The following PCDHA7 variants were observed in gnomAD, a reference collection of about 807,000 sequenced individuals.
The protein encoded by PCDHA7 is protocadherin alpha-7.
In PCDHA7, 37 loss-of-function variants were observed where a neutral mutation model predicts 57.2. The ratio of observed to expected loss-of-function variants is 0.65; its 90% CI spans 0.50 to 0.85. PCDHA7 has a LOEUF of 0.85. PCDHA7 is among the 40% of genes least tolerant of loss of function. The pLI is 0.00. For synonymous variants in PCDHA7, 553 were observed against 558.8 expected (o/e 0.99, Z 0.15); for missense variants, 1,188 against 1,241.8 (o/e 0.96, Z 0.65).
chr5:140,913,082 CA>C (rs1341633290), intron 1 of PCDHA7, among the ~76,000 whole-genome samples: 2 of 152,108 alleles, frequency 1.3e-5, no homozygotes, highest in Non-Finnish European at 2.9e-5. Flanking sequence ...TGTTTGGTAT[CA>C]GGATAATACT....
rs2150233585 is a variant in PCDHA7, at chr5:140,835,304, T to C, written c.921T>C (p.His307=). 4 of 1,612,734 alleles carry C rather than the reference T, an allele frequency of 2.5e-6. No homozygotes were observed. Among genetic ancestry groups the C allele is most frequent in the Admixed American group, 3.3e-5 (2 of 59,902 alleles). Residue 307 remains histidine (H), a synonymous_variant, in exon 1 of 4, where the codon CAT becomes CAC. Coordinates refer to ENST00000525929, the MANE Select transcript of PCDHA7 (RefSeq NM_018910.3). ...PLSGAITVIG[H]MDFEESRAHK... is the part of the protein sequence containing the mutation. Reference sequence around the variant, plus strand: ...GTGGGGCAATCACAGTGATAGGACATATGGATTTTGAAGAAAGTAGAGCAC... The same window carrying C: ...GTGGGGCAATCACAGTGATAGGACACATGGATTTTGAAGAAAGTAGAGCAC...
rs576672267 is a variant in PCDHA7 at position 140,878,151 on chromosome 5, T to G, written c.2355+41413T>G. 31 of 178,298 alleles carry G rather than the reference T, an allele frequency of 1.7e-4. No individual in the cohort carries two copies. The Middle Eastern group carries it at 7.4e-3, about 42-fold the overall frequency. The allele number at this position is 178,298 out of a possible 1,614,324, so 11.0% of individuals were successfully genotyped here. On this transcript the variant is annotated intron_variant, in intron 1 of 3. Coordinates refer to ENST00000525929, the MANE Select transcript of PCDHA7 (RefSeq NM_018910.3). Reference sequence around the variant, plus strand: ...AAAAGTGGCCAGATGTTTGATAACTTAAAAATTTAATTTGTTCATAATTTC... The same window carrying G: ...AAAAGTGGCCAGATGTTTGATAACTGAAAAATTTAATTTGTTCATAATTTC...
At chr5:140,958,744 A>G (rs1421311606) in intron 1 of PCDHA7, among the ~76,000 whole-genome samples, 1 of 152,156 alleles carries the variant, frequency 6.6e-6, no homozygotes, top group Non-Finnish European at 1.5e-5. Context: ...AAAGAGAGAA[A>G]GGAGATTTTT....
chr5:140,836,535 T>C lies in PCDHA7; in HGVS notation c.2152T>C (p.Tyr718His), dbSNP rs2150263194. The part of the protein sequence containing the change: ...SSLLVLTLLL[Y>H]TALRCSAPSS... ...TCTGTTGGTGCTTACCCTGCTGCTG[T>C]ACACGGCGTTGCGGTGCTCAGCGCC... The change falls in exon 1 of 4, where the codon TAC (tyrosine) becomes CAC (histidine). Residue 718 changes from tyrosine (Y) to histidine (H), a missense_variant. Physicochemically the swap from Tyr to His is moderately conservative, Grantham distance 83. Transcript: ENST00000525929. 1.6e-5 allele frequency: 26 copies of C among 1,613,710 alleles called. No individual in the cohort carries two copies. Among genetic ancestry groups the C allele is most frequent in the Non-Finnish European group, 2.0e-5 (24 of 1,179,850 alleles).
chr5:140,971,019 G>A (rs908442935), intron 1 of PCDHA7, among the ~76,000 whole-genome samples: 2 of 152,174 alleles, frequency 1.3e-5, no homozygotes, highest in African/African-American at 2.4e-5. Flanking sequence ...TCTTTAGATC[G>A]TAGCATTTGA....
Position 140,848,296 on chromosome 5 carries a change from G to T in PCDHA7, c.2355+11558G>T, listed in dbSNP as rs181978789. 1.7e-5 allele frequency: 11 copies of T among 652,922 alleles called. No individual in the cohort carries two copies. The East Asian group carries it at 2.5e-4, about 15-fold the overall frequency. 40.4% of individuals were successfully genotyped at this position (652,922 alleles called of 1,614,324 possible). ...AATATGTACTTACACTTTGGGCCACGTGATGTCACTCTTTGCCGCGATGTT... is the reference window on the plus strand; with the variant it reads ...AATATGTACTTACACTTTGGGCCACTTGATGTCACTCTTTGCCGCGATGTT... On this transcript the variant is annotated intron_variant, in intron 1 of 3. Coordinates refer to ENST00000525929, the MANE Select transcript of PCDHA7 (RefSeq NM_018910.3).
rs1476497862 is a variant in PCDHA7 at position 140,947,129 on chromosome 5, T to TAGTAAAATG, written c.2356-31819_2356-31811dup. Among the ~76,000 whole-genome samples the TAGTAAAATG allele has an allele frequency of 1.0e-3, 152 of 151,378 alleles. 1 individual carries two copies. Among genetic ancestry groups the TAGTAAAATG allele is most frequent in the African/African-American group, 3.5e-3 (145 of 41,346 alleles). On this transcript the variant is annotated intron_variant, in intron 1 of 3. Transcript: ENST00000525929. The stretch of plus-strand genomic sequence containing the variant: ...TACGTGTCAATTAAAATAATAAAAA[T>TAGTAAAATG]AGTAAAATGTATAGTTACTTCCACG...
chr5:140,924,736 A>C (rs1554202112), intron 1 of PCDHA7, among the ~76,000 whole-genome samples: 1 of 151,866 alleles, frequency 6.6e-6, no homozygotes, highest in Non-Finnish European at 1.5e-5. Flanking sequence ...CTCTAATAAA[A>C]ATACAAAAAT....
At chr5:140,843,414 T>C (rs2150359498) in intron 1 of PCDHA7, 4 of 1,596,080 alleles carry the variant, frequency 2.5e-6, no homozygotes, top group Non-Finnish European at 3.4e-6. Context: ...GATGTCAACG[T>C]GTACCTGATC....
intron 1 of PCDHA7, chr5:140,854,088 G>A (rs1262177028): frequency 3.8e-6 from 1 of 266,394 alleles, no homozygotes; most frequent in African/African-American, 2.4e-5. Context: ...CTTGAGCCTG[G>A]GACATTGAGG....
At chr5:140,867,906 T>C (rs1183238322) in intron 1 of PCDHA7, 1 of 152,148 alleles carries the variant, frequency 6.6e-6, no homozygotes, top group African/African-American at 2.4e-5. Context: ...TTACAGAAGG[T>C]ATAATTAAAA....
In PCDHA7 at chr5:140,982,557, A is replaced by G. The variant is rs199851685; in HGVS notation, c.2497A>G (p.Thr833Ala). 6.2e-7 allele frequency: 1 copy of G among 1,614,138 alleles called. No homozygotes were observed. The highest frequency in any genetic ancestry group is 1.7e-5 in the Admixed American group (1 of 60,030). The change falls in exon 3 of 4, where the codon ACA becomes GCA. Residue 833 changes from threonine (T) to alanine (A), a missense_variant. Physicochemically the swap from Thr to Ala is moderately conservative, Grantham distance 58. Transcript: ENST00000525929. ...GCAGTGGCCAACAGTATCCAGTGCAACACCAGGTAAAGAGCTGGGGTCTCT... is the reference window on the plus strand; with the variant it reads ...GCAGTGGCCAACAGTATCCAGTGCAGCACCAGGTAAAGAGCTGGGGTCTCT... Reference protein sequence around the residue: ...DQQWPTVSSATPEPEAGEVSP... With the variant: ...DQQWPTVSSAAPEPEAGEVSP...
At chr5:140,947,550 G>T (rs967081376) in intron 1 of PCDHA7, among the ~76,000 whole-genome samples, 1 of 151,402 alleles carries the variant, frequency 6.6e-6, no homozygotes, top group Non-Finnish European at 1.5e-5. Flanking sequence ...AAAGAATTCC[G>T]CTGGGATTTA....
chr5:140,877,406 A>G (rs1554169685), intron 1 of PCDHA7: 2 of 1,613,868 alleles, frequency 1.2e-6, no homozygotes, highest in East Asian at 2.2e-5. Flanking sequence ...GCTCCGCGCC[A>G]CCGCCTGCTG....
intron 1 of PCDHA7, chr5:140,851,364 T>A (rs1293968731): frequency 6.1e-6 from 6 of 975,758 alleles, no homozygotes; most frequent in African/African-American, 1.8e-5. Flanking sequence ...ACTGTGAACA[T>A]CTGATTGTTC....
At chr5:140,893,608 T>C (rs2064082274) in intron 1 of PCDHA7, among the ~76,000 whole-genome samples, 1 of 152,256 alleles carries the variant, frequency 6.6e-6, no homozygotes, top group African/African-American at 2.4e-5. Flanking sequence ...TTCTCCTTCA[T>C]TTCTGAAGTA....
In PCDHA7 at chr5:140,834,565, C is replaced by T. The variant is rs2150221167; in HGVS notation, c.182C>T (p.Pro61Leu). ...DLGLELAELV[P>L]RLFRAVCKFR... ...GGGCTGGAGCTGGCGGAGCTGGTGCCGCGCCTGTTCCGGGCGGTGTGCAAA... is the reference window on the plus strand; with the variant it reads ...GGGCTGGAGCTGGCGGAGCTGGTGCTGCGCCTGTTCCGGGCGGTGTGCAAA... Residue 61 changes from proline (P) to leucine (L), a missense_variant, in exon 1 of 4, where the codon CCG becomes CTG. Pro to Leu is a moderately conservative substitution (Grantham distance 98). Around this residue, in one of 3 missense-constraint regions of PCDHA7, gnomAD observed 194 missense variants for 185.8 expected, o/e 1.04. Coordinates refer to ENST00000525929, the MANE Select transcript of PCDHA7 (RefSeq NM_018910.3). 4 of 1,614,086 alleles carry T rather than the reference C, an allele frequency of 2.5e-6. No homozygotes were observed. Among genetic ancestry groups the T allele is most frequent in the Admixed American group, 1.7e-5 (1 of 60,004 alleles).
chr5:140,968,025 C>T lies in PCDHA7; in HGVS notation c.2356-10924C>T, dbSNP rs782679458. ...CTGAATGGCTTTGGAAACTCCTATA[C>T]ACTGGTGGTGAGCGGCCCACTGGAC... On this transcript the variant is annotated intron_variant, in intron 1 of 3. Coordinates refer to ENST00000525929, the MANE Select transcript of PCDHA7 (RefSeq NM_018910.3). 4.3e-6 allele frequency: 7 copies of T among 1,614,200 alleles called. No individual in the cohort carries two copies. In the South Asian group the frequency reaches 6.6e-5, roughly 15 times the overall value.
At chr5:140,870,401 C>A in intron 1 of PCDHA7, 1 of 1,614,252 alleles carries the variant, frequency 6.2e-7, no homozygotes, top group Non-Finnish European at 8.5e-7. Context: ...GGTTCGCCTT[C>A]TCTGTGGGCC....
Sources: gnomAD v4.1 joint callset for allele counts (sites outside exome capture counted in the v4.1 genomes callset) on GRCh38, gnomAD v4.1.1 for gene constraint, gnomAD v4.1.1 regional missense constraint, MANE v1.5 for transcripts, NCBI Gene and HGNC (gene_info 2026-07-23, HGNC 2026-07-21) for gene names.